Variants in TMEM232 observed in about 807,000 individuals in gnomAD.
The protein encoded by TMEM232 is transmembrane protein 232.
In TMEM232, 80 loss-of-function variants were observed where a neutral mutation model predicts 78.8. The ratio of observed to expected loss-of-function variants is 1.01; its 90% CI spans 0.85 to 1.22. The LOEUF (loss-of-function observed/expected upper bound fraction) is 1.22. Among genes scored for constraint, TMEM232 ranks in the 50% most tolerant of loss-of-function variants. The pLI is 0.00. For synonymous variants in TMEM232, 297 were observed against 254.3 expected, an observed-to-expected ratio of 1.17 and a Z score of -1.60; for missense variants, 881 against 742.2, an observed-to-expected ratio of 1.19 and a Z score of -2.17.
At chr5:110,560,565 T>C (rs993085086) in intron 11 of TMEM232, among the ~76,000 whole-genome samples, 1 of 151,666 alleles carries the variant, frequency 6.6e-6, no homozygotes, top group Non-Finnish European at 1.5e-5. Context: ...AGAAGTTATA[T>C]CCAGAATTTA....
intron 10 of TMEM232, among the ~76,000 whole-genome samples, chr5:110,602,455 A>G (rs979190489): frequency 6.6e-6 from 1 of 152,180 alleles, no homozygotes; most frequent in African/African-American, 2.4e-5. Flanking sequence ...TACAAGAAAA[A>G]AAAACCCATC....
At chr5:110,591,505 C>T (rs1779524506) in intron 10 of TMEM232, among the ~76,000 whole-genome samples, 1 of 152,112 alleles carries the variant, frequency 6.6e-6, no homozygotes, top group South Asian at 2.1e-4. Context: ...TATAGTTTCT[C>T]ACTATAATAA....
At chr5:110,450,553 T>A (rs1760158331) in intron 12 of TMEM232, among the ~76,000 whole-genome samples, 1 of 152,170 alleles carries the variant, frequency 6.6e-6, no homozygotes, top group Non-Finnish European at 1.5e-5. Flanking sequence ...GTTGCAGGTT[T>A]AGCACGAATG....
chr5:110,544,836 A>G (rs774421620), intron 11 of TMEM232, among the ~76,000 whole-genome samples: 1 of 152,138 alleles, frequency 6.6e-6, no homozygotes, highest in Non-Finnish European at 1.5e-5. Context: ...TCACTGGACC[A>G]TTTTATTGCC....
chr5:110,431,003 C>T (rs1186121981), intron 12 of TMEM232, among the ~76,000 whole-genome samples: 1 of 151,340 alleles, frequency 6.6e-6, no homozygotes, highest in Non-Finnish European at 1.5e-5. Context: ...GTGAAAAATC[C>T]CGGCAGAGAA....
chr5:110,587,772 C>T (rs1779036750), intron 10 of TMEM232, among the ~76,000 whole-genome samples: 1 of 136,704 alleles, frequency 7.3e-6, no homozygotes, highest in African/African-American at 2.7e-5. Context: ...TAAATATGCA[C>T]ATTGTATTAT....
chr5:110,463,242 T>C (rs1438735013), intron 12 of TMEM232, among the ~76,000 whole-genome samples: 1 of 152,164 alleles, frequency 6.6e-6, no homozygotes, highest in African/African-American at 2.4e-5. Flanking sequence ...GGCAAGGCAC[T>C]CCACCAGCAA....
intron 8 of TMEM232, 94 bp downstream of exon 8, chr5:110,618,335 G>A (rs1326094180): frequency 2.5e-5 from 36 of 1,452,140 alleles, no homozygotes; most frequent in Non-Finnish European, 3.1e-5. Flanking sequence ...ATAGTCAACT[G>A]AGGTGTGATT....
intron 1 of TMEM232, among the ~76,000 whole-genome samples, chr5:110,717,939 T>C (rs941442197): frequency 2.6e-5 from 4 of 152,134 alleles, no homozygotes; most frequent in African/African-American, 7.2e-5. Context: ...AGTATGTGTA[T>C]AGCAGTGAGA....
chr5:110,702,188 A>T (rs532945972), intron 1 of TMEM232, among the ~76,000 whole-genome samples: 2 of 152,134 alleles, frequency 1.3e-5, no homozygotes, highest in East Asian at 1.9e-4. Flanking sequence ...ATCTTACAAT[A>T]GCCCCTGTTT....
At chr5:110,531,506 C>CCT (rs907845622) in intron 11 of TMEM232, among the ~76,000 whole-genome samples, 1 of 152,172 alleles carries the variant, frequency 6.6e-6, no homozygotes, top group Non-Finnish European at 1.5e-5. Flanking sequence ...TCTTCTCCAA[C>CCT]CTCTCTCACT....
intron 3 of TMEM232, among the ~76,000 whole-genome samples, chr5:110,641,577 T>A (rs1425466180): frequency 6.6e-6 from 1 of 152,126 alleles, no homozygotes; most frequent in East Asian, 1.9e-4. Context: ...CTTTTTCTAA[T>A]CAAATTTTTT....
intron 12 of TMEM232, among the ~76,000 whole-genome samples, chr5:110,438,515 T>G (rs1230243734): frequency 6.6e-6 from 1 of 152,024 alleles, no homozygotes; most frequent in Non-Finnish European, 1.5e-5. Context: ...TCATCTAATG[T>G]CACGCTACTT....
At position 110,597,809 on chromosome 5, in the gene TMEM232, A is replaced by G. The variant is rs908875340; in HGVS notation, c.1276+7300T>C. 2.6e-5 allele frequency among the ~76,000 whole-genome samples: 4 copies of G among 152,206 alleles called. No homozygotes were observed. In the South Asian group the frequency reaches 6.2e-4, roughly 24 times the overall value. On this transcript the variant is annotated intron_variant, in intron 10 of 13. Transcript: ENST00000455884. ...ATGGTGCTGGGAAAACTGGCTAGCCATAAGTAGAAAGCTGAAACTGGATCC... is the reference window on the plus strand; with the variant it reads ...ATGGTGCTGGGAAAACTGGCTAGCCGTAAGTAGAAAGCTGAAACTGGATCC...
intron 1 of TMEM232, among the ~76,000 whole-genome samples, chr5:110,675,419 TGGA>T (rs1416956217): frequency 1.3e-5 from 2 of 152,094 alleles, no homozygotes; most frequent in Admixed American, 6.6e-5. Flanking sequence ...GTTATTCAAA[TGGA>T]GGAGTTTACA....
chr5:110,625,776 T>C (rs891737316), intron 6 of TMEM232, among the ~76,000 whole-genome samples: 3 of 149,602 alleles, frequency 2.0e-5, no homozygotes, highest in African/African-American at 7.4e-5. Context: ...TACTTTGACA[T>C]TGTAATTCTA....
intron 1 of TMEM232, among the ~76,000 whole-genome samples, chr5:110,712,105 CAAAAAAAAAAA>C (rs61482697): frequency 4.6e-5 from 3 of 65,424 alleles, no homozygotes; most frequent in Non-Finnish European, 7.2e-5. Flanking sequence ...GACTCAATCT[CAAAAAAAAAAA>C]AAAAAAAAAA....
intron 12 of TMEM232, among the ~76,000 whole-genome samples, chr5:110,435,334 A>C (rs549377280): frequency 2.0e-5 from 3 of 151,840 alleles, no homozygotes; most frequent in Admixed American, 6.6e-5. Context: ...TCTAATGTTT[A>C]AATTTTTATT....
Position 110,404,658 on chromosome 5 carries a change from A to G in TMEM232, n.309-6804T>C, listed in dbSNP as rs138280759. Among the ~76,000 whole-genome samples, 10 of 152,258 alleles carry G rather than the reference A, an allele frequency of 6.6e-5. No homozygotes were observed. In the East Asian group the frequency reaches 9.7e-4, roughly 15 times the overall value. On this transcript the variant is annotated intron_variant and non_coding_transcript_variant, in intron 2 of 8. Coordinates refer to the TMEM232 transcript ENST00000507188. ...CTAAAAAATCTTTTCAAATCATGGT[A>G]AAAACAACAAAATTGACAAAATGGA...
Sources: allele counts gnomAD v4.1 joint callset (sites outside exome capture counted in the v4.1 genomes callset), GRCh38; gene constraint gnomAD v4.1.1; transcripts MANE v1.5; gene names NCBI Gene and HGNC (gene_info 2026-07-23, HGNC 2026-07-21).